LSMEM2: variants seen among roughly 807,000 people sequenced by gnomAD.
LSMEM2 encodes the protein leucine-rich single-pass membrane protein 2.
A neutral mutation model predicts 17.3 loss-of-function variants in LSMEM2; 20 were observed. The ratio of observed to expected loss-of-function variants is 1.16; its 90% CI spans 0.81 to 1.68. LSMEM2 has a LOEUF of 1.68. Ranked by LOEUF, LSMEM2 falls within the 40% of genes most tolerant of loss-of-function variation. The probability of loss-of-function intolerance (pLI) is 0.00; values close to 1 mark genes in which losing one functional copy is unlikely to be tolerated. For synonymous variants in LSMEM2, 94 were observed against 97.8 expected (o/e 0.96, Z 0.23); for missense variants, 207 against 214.3 (o/e 0.97, Z 0.21).
intron 1 of LSMEM2, among the ~76,000 whole-genome samples, chr3:50,284,195 G>C (rs1701466075): frequency 9.7e-6 from 1 of 103,190 alleles, no homozygotes; most frequent in Non-Finnish European, 1.8e-5. Context: ...AACACAGCAA[G>C]ACTGTCTCAA....
rs782019793 is a variant in LSMEM2 at position 50,287,238 on chromosome 3, T to TG, written c.*38dup. ...GGATCTGGGGCCTGGGGGTGTGTGT[T>TG]GGTGGGGGAATAAAGTGGCTATGGG... is the stretch of plus-strand genomic sequence containing the variant. On this transcript the variant is annotated 3_prime_UTR_variant, in exon 4 of 4. Coordinates refer to ENST00000316436, the MANE Select transcript of LSMEM2 (RefSeq NM_153215.3). The TG allele has an allele frequency of 1.5e-5, 24 of 1,587,724 alleles. No individual in the cohort carries two copies. The highest frequency in any genetic ancestry group is 1.7e-4 in the Middle Eastern group (1 of 6,008).
chr3:50,278,951 C>G, upstream of LSMEM2: 1 of 700,948 alleles, frequency 1.4e-6, no homozygotes. Flanking sequence ...CAGGCTGGCC[C>G]ACGTGGATCA....
chr3:50,279,272 G>A, intron 1 of LSMEM2, 101 bp downstream of exon 1: 3 of 1,098,270 alleles, frequency 2.7e-6, no homozygotes, highest in Non-Finnish European at 4.1e-6. Context: ...ACTGTCTTGA[G>A]TAGTTAGTTA....
In LSMEM2 at chr3:50,287,424, G is replaced by A; in HGVS notation, c.*222G>A. 3 of 643,902 alleles carry A rather than the reference G, an allele frequency of 4.7e-6. No individual in the cohort carries two copies. Among genetic ancestry groups the A allele is most frequent in the Admixed American group, 6.0e-5 (2 of 33,454 alleles). The allele number at this position is 643,902 out of a possible 1,614,324, so 39.9% of individuals were successfully genotyped here. A position where few individuals can be genotyped will look rare whatever the true frequency, so the allele number is the denominator to read the frequency against. On this transcript the variant is annotated 3_prime_UTR_variant, in exon 4 of 4. Coordinates refer to ENST00000316436, the MANE Select transcript of LSMEM2 (RefSeq NM_153215.3). The stretch of plus-strand genomic sequence containing the variant: ...TGGTGCCAAAGCCTCGCTTTGGGTG[G>A]CCCAAGGTCAGGGGAAGGGGCACCA...
rs1559800897 is a variant in LSMEM2, at chr3:50,288,038, C to T, written c.*836C>T. The stretch of plus-strand genomic sequence containing the variant: ...ACAAAGGGGTCAGGGTCCCAAGTGT[C>T]CGGGCCCCCAGCTACCCACCCCATG... On this transcript the variant is annotated 3_prime_UTR_variant, in exon 4 of 4. Coordinates refer to ENST00000316436, the MANE Select transcript of LSMEM2 (RefSeq NM_153215.3). 3.0e-6 allele frequency: 2 copies of T among 675,018 alleles called. No homozygotes were observed. The highest frequency in any genetic ancestry group is 5.3e-6 in the Non-Finnish European group (2 of 380,948). The allele number at this position is 675,018 out of a possible 1,614,324, so 41.8% of individuals were successfully genotyped here.
rs114254713 is a variant in LSMEM2, at chr3:50,286,031, A to G, written c.59-440A>G. 3.1e-3 allele frequency among the ~76,000 whole-genome samples: 468 copies of G among 152,378 alleles called. 3 individuals carry two copies. Among genetic ancestry groups the G allele is most frequent in the African/African-American group, 0.011 (456 of 41,596 alleles). On this transcript the variant is annotated intron_variant, in intron 1 of 3. Coordinates refer to ENST00000316436, the MANE Select transcript of LSMEM2 (RefSeq NM_153215.3). ...GCAGAGTCACACTGAGTATGTTAAC[A>G]AACACAGAACCAAGGCCAGGAGGGA...
chr3:50,283,724 G>A (rs587760636), intron 1 of LSMEM2, among the ~76,000 whole-genome samples: 4 of 152,184 alleles, frequency 2.6e-5, no homozygotes, highest in Admixed American at 6.5e-5. Context: ...CCTTGAACCC[G>A]GGAGGCGGAG....
chr3:50,281,079 A>T (rs1575481677), intron 1 of LSMEM2, among the ~76,000 whole-genome samples: 1 of 148,680 alleles, frequency 6.7e-6, no homozygotes, highest in African/African-American at 2.5e-5. Context: ...TTTTTGAGAC[A>T]GAGTCTTGCT....
chr3:50,286,928 T>G, intron 3 of LSMEM2, 66 bp downstream of exon 3: 1 of 1,594,120 alleles, frequency 6.3e-7, no homozygotes, highest in East Asian at 2.2e-5. Flanking sequence ...GGCCCTTCTG[T>G]GCAGCTGGAA....
upstream of LSMEM2, chr3:50,278,902 G>A (rs1575479523): frequency 1.7e-6 from 1 of 581,194 alleles, no homozygotes; most frequent in East Asian, 2.8e-5. Context: ...GACTAGTGGA[G>A]GCAGGCTCCT....
intron 1 of LSMEM2, among the ~76,000 whole-genome samples, chr3:50,284,547 T>G (rs186979063): frequency 6.6e-6 from 1 of 151,198 alleles, no homozygotes; most frequent in East Asian, 2.0e-4. Context: ...CTGGGCAACA[T>G]AGTAAAACCC....
At chr3:50,286,644 C>T in intron 2 of LSMEM2, 30 bp from the exon 3 acceptor site, 1 of 1,611,304 alleles carries the variant, frequency 6.2e-7, no homozygotes, top group Non-Finnish European at 8.5e-7. Flanking sequence ...CAGGTGCACC[C>T]ACCACCCTCC....
chr3:50,286,614 G>A, intron 2 of LSMEM2, 30 bp downstream of exon 2: 2 of 1,611,238 alleles, frequency 1.2e-6, no homozygotes, highest in Non-Finnish European at 1.7e-6. Context: ...TGGATGATGT[G>A]CTGGGGGAGG....
rs782121364 is a variant in LSMEM2 at position 50,279,213 on chromosome 3, T to C, written c.58+42T>C. On this transcript the variant is annotated intron_variant, in intron 1 of 3. Transcript: ENST00000316436. ...ATGAGGGAGGGCAAGGCCTCAGTCC[T>C]GTGACCTTGTGGACCATGGAGAGAC... 14 of 1,585,528 alleles carry C rather than the reference T, an allele frequency of 8.8e-6. No individual in the cohort carries two copies. In the South Asian group the frequency reaches 1.5e-4, roughly 18 times the overall value.
Position 50,287,431 on chromosome 3 carries a change from G to A in LSMEM2, c.*229G>A. ...AAAGCCTCGCTTTGGGTGGCCCAAG[G>A]TCAGGGGAAGGGGCACCAGCCTCCT... On this transcript the variant is annotated 3_prime_UTR_variant, in exon 4 of 4. Transcript: ENST00000316436. 1.6e-6 allele frequency: 1 copy of A among 611,162 alleles called. No individual in the cohort carries two copies. The highest frequency in any genetic ancestry group is 2.0e-5 in the South Asian group (1 of 50,362). 37.9% of individuals were successfully genotyped at this position (611,162 alleles called of 1,614,324 possible). A position where few individuals can be genotyped will look rare whatever the true frequency, so the allele number is the denominator to read the frequency against.
intron 1 of LSMEM2, among the ~76,000 whole-genome samples, chr3:50,286,044 A>T (rs1447946957): frequency 6.6e-6 from 1 of 152,254 alleles, no homozygotes; most frequent in Non-Finnish European, 1.5e-5. Context: ...CACAGAACCA[A>T]GGCCAGGAGG....
intron 1 of LSMEM2, among the ~76,000 whole-genome samples, chr3:50,283,993 G>A (rs1253697447): frequency 3.3e-5 from 5 of 152,034 alleles, no homozygotes; most frequent in Non-Finnish European, 7.4e-5. Context: ...ATCACTTGAG[G>A]TCAGGAGTTT....
intron 1 of LSMEM2, among the ~76,000 whole-genome samples, chr3:50,283,403 G>A (rs587632881): frequency 1.1e-4 from 17 of 151,726 alleles, no homozygotes; most frequent in Admixed American, 3.3e-4. Flanking sequence ...TGAGGCAGAC[G>A]GATCACAAGG....
At chr3:50,285,966 G>GT (rs1334184824) in intron 1 of LSMEM2, among the ~76,000 whole-genome samples, 2 of 152,214 alleles carry the variant, frequency 1.3e-5, no homozygotes, top group Admixed American at 1.3e-4. Flanking sequence ...CTCCCCAACA[G>GT]TAAATGTTGA....
Sources: gnomAD v4.1 joint callset for allele counts (sites outside exome capture counted in the v4.1 genomes callset) on GRCh38, gnomAD v4.1.1 for gene constraint, MANE v1.5 for transcripts, NCBI Gene and HGNC (gene_info 2026-07-23, HGNC 2026-07-21) for gene names.